The following PLCG2 variants were observed in gnomAD, a reference collection of about 807,000 sequenced individuals.
PLCG2 encodes the protein phospholipase C gamma 2.
PLCG2 carries 69 observed loss-of-function variants against 175.6 expected under a neutral mutation model. The ratio of observed to expected loss-of-function variants is 0.39; its 90% CI spans 0.32 to 0.48. The LOEUF (loss-of-function observed/expected upper bound fraction) is 0.48. PLCG2 is among the 20% of genes least tolerant of loss of function. PLCG2 has a pLI of 0.91. For synonymous variants in PLCG2, 827 were observed against 624.0 expected (o/e 1.33, Z -4.85); for missense variants, 1,798 against 1,650.9 (o/e 1.09, Z -1.54).
In PLCG2 at chr16:81,805,762, GTTTTGTTTTTTTTTTTTTTTGT is replaced by G. The variant is rs1219733113; in HGVS notation, c.193+19585_193+19606del. On this transcript the variant is annotated intron_variant, in intron 2 of 32. Transcript: ENST00000564138. Reference sequence around the variant, plus strand: ...ATACCAGCCATGAGAGTAGTGTTTTGTTTTGTTTTTTTTTTTTTTTGTTTTTTTTTTTTTTTGCTGTTATTGT... The same window carrying G: ...ATACCAGCCATGAGAGTAGTGTTTTGTTTTTTTTTTTTTTGCTGTTATTGT... 2.0e-3 allele frequency among the ~76,000 whole-genome samples: 76 copies of G among 38,894 alleles called. No homozygotes were observed. The South Asian group carries it at 0.053, about 27-fold the overall frequency. 25.5% of individuals were successfully genotyped at this position (38,894 alleles called of 152,430 possible).
chr16:81,955,960 G>A (rs1911550663), intron 31 of PLCG2, among the ~76,000 whole-genome samples: 1 of 152,086 alleles, frequency 6.6e-6, no homozygotes, highest in South Asian at 2.1e-4. Flanking sequence ...ACAATTCAAT[G>A]GTTTATAGCC....
rs2143174183 is a variant in PLCG2 at position 81,785,974 on chromosome 16, C to T, written c.-16C>T. The T allele has an allele frequency of 1.2e-6, 2 of 1,609,852 alleles. No homozygotes were observed. Among genetic ancestry groups the T allele is most frequent in the Non-Finnish European group, 8.5e-7 (1 of 1,176,942 alleles). On this transcript the variant is annotated 5_prime_UTR_variant, in exon 2 of 33. Transcript: ENST00000564138. Reference sequence around the variant, plus strand: ...GATTTCTCCCGATTCCTTCCTTCTCCCTGGAGCGGCCGACAATGTCCACCA... The same window carrying T: ...GATTTCTCCCGATTCCTTCCTTCTCTCTGGAGCGGCCGACAATGTCCACCA...
intron 15 of PLCG2, 126 bp downstream of exon 15, chr16:81,905,633 A>T: frequency 1.6e-6 from 1 of 642,200 alleles, no homozygotes; most frequent in Non-Finnish European, 2.8e-6. Flanking sequence ...AGTTTTTGCC[A>T]TGTGAATTTA....
At chr16:81,747,184 C>T (rs920328493) in intron 1 of PLCG2, among the ~76,000 whole-genome samples, 1 of 152,194 alleles carries the variant, frequency 6.6e-6, no homozygotes, top group Admixed American at 6.6e-5. Flanking sequence ...GTGATTCCCC[C>T]TCTAGGAATT....
At chr16:81,893,529 G>A (rs1223466852) in intron 11 of PLCG2, among the ~76,000 whole-genome samples, 180 bp from the exon 12 acceptor site, 1 of 152,246 alleles carries the variant, frequency 6.6e-6, no homozygotes, top group Non-Finnish European at 1.5e-5. Context: ...CATGCCCAGT[G>A]TGACCGTGGG....
Position 81,821,204 on chromosome 16 carries a change from C to T in PLCG2, c.194-33240C>T, listed in dbSNP as rs115311333. ...AGCCGCCGTGCCTGGCCACATTACC[C>T]GCTTTATCAGATTGTTGTGGGGATT... is the stretch of plus-strand genomic sequence containing the variant. On this transcript the variant is annotated intron_variant, in intron 2 of 32. Coordinates refer to ENST00000564138, the MANE Select transcript of PLCG2 (RefSeq NM_002661.5). Among the ~76,000 whole-genome samples the T allele has an allele frequency of 2.8e-3, 425 of 152,332 alleles. 1 individual carries two copies. The highest frequency in any genetic ancestry group is 9.0e-3 in the African/African-American group (373 of 41,568).
intron 31 of PLCG2, among the ~76,000 whole-genome samples, chr16:81,949,750 G>A (rs1368459236): frequency 2.0e-5 from 3 of 152,120 alleles, no homozygotes; most frequent in Admixed American, 2.0e-4. Context: ...ATCAAATAAG[G>A]ATTTTTGAAT....
intron 2 of PLCG2, among the ~76,000 whole-genome samples, chr16:81,790,655 C>A (rs1911190413): frequency 6.6e-6 from 1 of 152,152 alleles, no homozygotes; most frequent in Non-Finnish European, 1.5e-5. Context: ...GAATAGTTGG[C>A]AAATGGTGTG....
At chr16:81,828,319 C>T (rs1193939425) in intron 2 of PLCG2, among the ~76,000 whole-genome samples, 40 of 130,106 alleles carry the variant, frequency 3.1e-4, no homozygotes, top group Non-Finnish European at 4.2e-4. Flanking sequence ...GATCTCGGCT[C>T]ACTGCAAGCT....
chr16:81,885,634 T>TA (rs1555516337), intron 9 of PLCG2, among the ~76,000 whole-genome samples: 11,822 of 152,056 alleles, frequency 0.078, 497 homozygotes, highest in South Asian at 0.11. Context: ...CTTTTTTTTT[T>TA]AAAATATAGC....
Position 81,847,155 on chromosome 16 carries a change from A to G in PLCG2, c.194-7289A>G, listed in dbSNP as rs574179888. Among the ~76,000 whole-genome samples the G allele has an allele frequency of 5.9e-5, 9 of 152,358 alleles. No homozygotes were observed. The South Asian group carries it at 1.9e-3, about 32-fold the overall frequency. ...TGATTAATTTGCTAGAATGGCTGAC[A>G]CAACTAAGGGAAACATGTATACCAG... On this transcript the variant is annotated intron_variant, in intron 2 of 32. Coordinates refer to ENST00000564138, the MANE Select transcript of PLCG2 (RefSeq NM_002661.5).
intron 2 of PLCG2, among the ~76,000 whole-genome samples, chr16:81,818,126 C>T (rs952562754): frequency 5.9e-5 from 9 of 152,200 alleles, no homozygotes; most frequent in East Asian, 3.8e-4. Context: ...ACAGGGCTCT[C>T]GTGAGTATTC....
At chr16:81,899,081 C>T (rs1454681878) in intron 13 of PLCG2, among the ~76,000 whole-genome samples, 1 of 151,930 alleles carries the variant, frequency 6.6e-6, no homozygotes, top group Non-Finnish European at 1.5e-5. Flanking sequence ...CTCAGCTACT[C>T]AGGAGGCTGA....
intron 17 of PLCG2, among the ~76,000 whole-genome samples, chr16:81,909,789 G>A (rs950790135): frequency 6.6e-6 from 1 of 152,178 alleles, no homozygotes; most frequent in African/African-American, 2.4e-5. Context: ...GGCAGTATTC[G>A]AGACACCTTG....
chr16:81,946,412 G>C (rs1224674823), intron 31 of PLCG2, 149 bp downstream of exon 31: 13 of 635,698 alleles, frequency 2.0e-5, no homozygotes, highest in Non-Finnish European at 2.9e-5. Context: ...ATTCCTTTTT[G>C]CTAATTCCCC....
intron 5 of PLCG2, among the ~76,000 whole-genome samples, chr16:81,863,929 T>A (rs1907104077): frequency 6.6e-6 from 1 of 152,106 alleles, no homozygotes; most frequent in Non-Finnish European, 1.5e-5. Flanking sequence ...CAAATAGGCT[T>A]CCTATTTGAG....
At chr16:81,886,090 G>C (rs535458221) in intron 9 of PLCG2, among the ~76,000 whole-genome samples, 2 of 152,314 alleles carry the variant, frequency 1.3e-5, no homozygotes, top group East Asian at 3.9e-4. Flanking sequence ...AGTAGGGAAC[G>C]ATTAAAGTTA....
intron 28 of PLCG2, chr16:81,938,511 G>A (rs760396915): frequency 1.4e-5 from 6 of 441,064 alleles, no homozygotes; most frequent in African/African-American, 2.0e-5. Flanking sequence ...CTTGATCAGA[G>A]GCACCTGCTT....
At chr16:81,953,856 G>C (rs1427290630) in intron 31 of PLCG2, among the ~76,000 whole-genome samples, 1 of 152,172 alleles carries the variant, frequency 6.6e-6, no homozygotes, top group Non-Finnish European at 1.5e-5. Flanking sequence ...AGGTGATAAA[G>C]GGTTGCAGTT....
Sources: allele counts gnomAD v4.1 joint callset (sites outside exome capture counted in the v4.1 genomes callset), GRCh38; gene constraint gnomAD v4.1.1; transcripts MANE v1.5; gene names NCBI Gene and HGNC (gene_info 2026-07-23, HGNC 2026-07-21).